NXPE2: variants seen among roughly 807,000 people sequenced by gnomAD.
NXPE2 encodes neurexophilin and PC-esterase domain family member 2, also known as NXPE family member 2.
Under a neutral mutation model 34.4 loss-of-function variants are expected in NXPE2, and 34 were observed. The observed-to-expected ratio is 0.99, with a 90% CI of 0.75 to 1.31. NXPE2 has a LOEUF of 1.31. Ranked by LOEUF, NXPE2 falls within the 40% of genes most tolerant of loss-of-function variation. The pLI is 0.00. For synonymous variants in NXPE2, 235 were observed against 231.3 expected (o/e 1.02, Z -0.15); for missense variants, 649 against 672.5 (o/e 0.97, Z 0.39).
the NXPE2 span, chr11:114,529,013 T>C: frequency 9.7e-6 from 4 of 411,080 alleles, no homozygotes; most frequent in African/African-American, 2.0e-5. Context: ...GAGCCAAAAC[T>C]TGGATAATGA....
chr11:114,640,045 T>C, the NXPE2 span, among the ~76,000 whole-genome samples: 21,586 of 118,126 alleles, frequency 0.18, 2,332 homozygotes, highest in Non-Finnish European at 0.22. Flanking sequence ...TATATTATTT[T>C]ATAATATATA....
At chr11:114,777,891 C>T in the NXPE2 span, among the ~76,000 whole-genome samples, 4 of 152,308 alleles carry the variant, frequency 2.6e-5, no homozygotes, top group South Asian at 2.1e-4. Context: ...GATTAGAACA[C>T]TGTTTGCCGT....
At chr11:114,483,284 T>C in the NXPE2 span, among the ~76,000 whole-genome samples, 2 of 152,220 alleles carry the variant, frequency 1.3e-5, no homozygotes, top group African/African-American at 4.8e-5. Flanking sequence ...TCTTTAAGCA[T>C]CTGAAAAATA....
the NXPE2 span, among the ~76,000 whole-genome samples, chr11:114,757,573 C>T: frequency 6.6e-6 from 1 of 152,066 alleles, no homozygotes; most frequent in African/African-American, 2.4e-5. Context: ...TATTGTTACC[C>T]CCATTAGTGA....
the NXPE2 span, among the ~76,000 whole-genome samples, chr11:114,735,589 C>T: frequency 0.026 from 3,952 of 152,262 alleles, 175 homozygotes; most frequent in African/African-American, 0.09. Context: ...ACATAGGAAT[C>T]AATAAATATT....
the NXPE2 span, among the ~76,000 whole-genome samples, chr11:114,535,994 A>T: frequency 6.6e-5 from 10 of 152,194 alleles, no homozygotes; most frequent in Admixed American, 3.3e-4. Flanking sequence ...TTTCAGCACC[A>T]CACCAAACCT....
chr11:114,581,835 G>C, the NXPE2 span: 1 of 1,185,170 alleles, frequency 8.4e-7, no homozygotes. Context: ...CTCAAATCAG[G>C]AAACATACAG....
At chr11:114,644,244 A>C in the NXPE2 span, among the ~76,000 whole-genome samples, 7 of 152,056 alleles carry the variant, frequency 4.6e-5, no homozygotes, top group African/African-American at 1.7e-4. Flanking sequence ...GAATACCTTT[A>C]TTTCTTTCTC....
chr11:114,781,491 C>T, the NXPE2 span, among the ~76,000 whole-genome samples: 1 of 152,056 alleles, frequency 6.6e-6, no homozygotes, highest in Non-Finnish European at 1.5e-5. Flanking sequence ...AAAGAGGTGG[C>T]CTTATGTTTG....
chr11:114,696,833 A>G (rs1163855234), intron 2 of NXPE2, among the ~76,000 whole-genome samples: 1 of 152,162 alleles, frequency 6.6e-6, no homozygotes, highest in Non-Finnish European at 1.5e-5. Flanking sequence ...TCTACTAAAT[A>G]TATATTCCAA....
chr11:114,601,901 A>AG, the NXPE2 span, among the ~76,000 whole-genome samples: 2 of 43,538 alleles, frequency 4.6e-5, no homozygotes, highest in African/African-American at 1.4e-4. Flanking sequence ...TTATATTTAT[A>AG]TATATTATAT....
rs1398725972 is a variant in NXPE2 at position 114,705,694 on chromosome 11, A to G, written c.929-87A>G. The G allele has an allele frequency of 5.4e-6, 4 of 735,364 alleles. No homozygotes were observed. In the East Asian group the frequency reaches 1.3e-4, roughly 23 times the overall value. The allele number at this position is 735,364 out of a possible 1,614,324, so 45.6% of individuals were successfully genotyped here. The stretch of plus-strand genomic sequence containing the variant: ...CTGAAGAGAAAGGGGGAGGAAAAAG[A>G]GGAAAAGGAAGGCAAAAATGAGAAA... On this transcript the variant is annotated intron_variant, in intron 4 of 5. Coordinates refer to ENST00000389586, the MANE Select transcript of NXPE2 (RefSeq NM_182495.6).
chr11:114,468,776 C>T, the NXPE2 span, among the ~76,000 whole-genome samples: 3 of 152,162 alleles, frequency 2.0e-5, no homozygotes, highest in Non-Finnish European at 4.4e-5. Flanking sequence ...ATTTAATCTT[C>T]ATAGCAACCC....
the NXPE2 span, among the ~76,000 whole-genome samples, chr11:114,491,316 A>G: frequency 6.6e-6 from 1 of 152,140 alleles, no homozygotes; most frequent in Non-Finnish European, 1.5e-5. Flanking sequence ...CAAATTTACA[A>G]GAAAAAAACA....
the NXPE2 span, among the ~76,000 whole-genome samples, chr11:114,714,133 C>A: frequency 6.6e-6 from 1 of 152,224 alleles, no homozygotes; most frequent in South Asian, 2.1e-4. Context: ...TCTGATTTAG[C>A]ATCAACTATA....
At chr11:114,663,574 ATC>A in the NXPE2 span, among the ~76,000 whole-genome samples, 20 of 146,458 alleles carry the variant, frequency 1.4e-4, no homozygotes, top group Admixed American at 1.3e-3. Context: ...TCTATCTATC[ATC>A]TCTATCTATC....
chr11:114,698,374 G>GTAC lies in NXPE2; in HGVS notation c.464_466dup (p.Tyr155dup). 2 of 1,614,012 alleles carry GTAC rather than the reference G, an allele frequency of 1.2e-6. No homozygotes were observed. Among genetic ancestry groups the GTAC allele is most frequent in the Non-Finnish European group, 1.7e-6 (2 of 1,179,950 alleles). On this transcript the variant is annotated inframe_insertion, in exon 3 of 6. Transcript: ENST00000389586. Reference sequence around the variant, plus strand: ...GTGGGGATTTCCTGAGGGCCAGGATGTACTCCACAGCACTAATGGCAGGTG... The same window carrying GTAC: ...GTGGGGATTTCCTGAGGGCCAGGATGTACTACTCCACAGCACTAATGGCAGGTG...
the NXPE2 span, among the ~76,000 whole-genome samples, chr11:114,811,727 C>T: frequency 6.6e-6 from 1 of 152,170 alleles, no homozygotes; most frequent in East Asian, 1.9e-4. Context: ...GGCACCAATA[C>T]TGAGGGCACA....
the NXPE2 span, among the ~76,000 whole-genome samples, chr11:114,617,519 C>T: frequency 1.5e-4 from 22 of 143,172 alleles, no homozygotes; most frequent in East Asian, 4.4e-4. Flanking sequence ...GTGGATAATA[C>T]GTGTTGCCTC....
Sources: allele counts gnomAD v4.1 joint callset (sites outside exome capture counted in the v4.1 genomes callset), GRCh38; gene constraint gnomAD v4.1.1; transcripts MANE v1.5; gene names NCBI Gene and HGNC (gene_info 2026-07-23, HGNC 2026-07-21).